The following LRRC4C variants were observed in gnomAD, a reference collection of about 807,000 sequenced individuals.
The protein encoded by LRRC4C is leucine-rich repeat-containing protein 4C.
Under a neutral mutation model 33.6 loss-of-function variants are expected in LRRC4C, and 5 were observed. The ratio of observed to expected loss-of-function variants is 0.15; its 90% CI spans 0.08 to 0.31. LRRC4C has a LOEUF of 0.31. Ranked by LOEUF, LRRC4C falls within the 10% of genes least tolerant of loss-of-function variation. LRRC4C has a pLI of 1.00. For missense variants in LRRC4C, 560 were observed against 796.7 expected, an observed-to-expected ratio of 0.70 and a Z score of 3.58; for synonymous variants, 329 against 302.0, an observed-to-expected ratio of 1.09 and a Z score of -0.93.
chr11:40,413,070 C>T lies in LRRC4C; in HGVS notation c.-269-93349G>A, dbSNP rs534778870. Among the ~76,000 whole-genome samples the T allele has an allele frequency of 1.5e-3, 235 of 152,002 alleles. 1 individual carries two copies. The highest frequency in any genetic ancestry group is 2.5e-3 in the Non-Finnish European group (171 of 67,982). ...ATTTATTTAGGCGAATTTATCTAGA[C>T]AATGAAGACTATTAAAAGAAAAAGA... On this transcript the variant is annotated intron_variant, in intron 3 of 6. Coordinates refer to ENST00000528697, the MANE Select transcript of LRRC4C (RefSeq NM_001258419.2).
chr11:41,238,520 T>C (rs936590909), intron 1 of LRRC4C, among the ~76,000 whole-genome samples: 5 of 152,186 alleles, frequency 3.3e-5, no homozygotes, highest in Non-Finnish European at 7.3e-5. Flanking sequence ...ACAACTATTA[T>C]ATTAACTTGT....
intron 1 of LRRC4C, among the ~76,000 whole-genome samples, chr11:41,215,244 T>C (rs1023004375): frequency 1.3e-5 from 2 of 151,516 alleles, no homozygotes; most frequent in Admixed American, 6.6e-5. Context: ...CCCCAGCACG[T>C]TGGGAGGCCA....
At chr11:41,388,519 C>T (rs894489150) in intron 1 of LRRC4C, among the ~76,000 whole-genome samples, 1 of 151,762 alleles carries the variant, frequency 6.6e-6, no homozygotes, top group Non-Finnish European at 1.5e-5. Context: ...TCCACGAAAA[C>T]AGAAGGAATT....
chr11:41,164,284 TCA>T (rs1410957248), intron 1 of LRRC4C, among the ~76,000 whole-genome samples: 3 of 151,118 alleles, frequency 2.0e-5, no homozygotes, highest in Admixed American at 6.6e-5. Context: ...GTCATAAATA[TCA>T]CAGTCTTCCA....
intron 2 of LRRC4C, among the ~76,000 whole-genome samples, chr11:40,780,826 C>A (rs1950183574): frequency 6.7e-6 from 1 of 150,152 alleles, no homozygotes; most frequent in African/African-American, 2.5e-5. Context: ...AATGAACATG[C>A]AGATTGCCAG....
intron 3 of LRRC4C, among the ~76,000 whole-genome samples, chr11:40,548,991 T>C (rs1294755878): frequency 6.6e-6 from 1 of 152,134 alleles, no homozygotes; most frequent in Non-Finnish European, 1.5e-5. Context: ...AATTCCTATA[T>C]TCTTTACTAC....
intron 2 of LRRC4C, among the ~76,000 whole-genome samples, chr11:40,923,400 GAAGT>G (rs1425227039): frequency 1.3e-5 from 2 of 152,052 alleles, no homozygotes; most frequent in Non-Finnish European, 2.9e-5. Flanking sequence ...CAATTATTTT[GAAGT>G]TAAATGTGGC....
At chr11:40,834,470 CA>C (rs1166883264) in intron 2 of LRRC4C, among the ~76,000 whole-genome samples, 5,478 of 71,302 alleles carry the variant, frequency 0.077, 119 homozygotes, top group Middle Eastern at 0.14. Context: ...GATTCCATCT[CA>C]AAAAAAAAAA....
At chr11:40,723,189 T>C (rs947995811) in intron 2 of LRRC4C, among the ~76,000 whole-genome samples, 1 of 152,044 alleles carries the variant, frequency 6.6e-6, no homozygotes, top group Non-Finnish European at 1.5e-5. Flanking sequence ...TATTTGAGGA[T>C]ATAATCCATA....
chr11:40,859,914 A>G lies in LRRC4C; in HGVS notation c.-407+73721T>C, dbSNP rs184790291. On this transcript the variant is annotated intron_variant, in intron 2 of 6. Transcript: ENST00000528697. ...ACACGGTGAAACCCCATCTCTACTA[A>G]AAATACAAGAAAAAAATAAAAATTA... Among the ~76,000 whole-genome samples the G allele has an allele frequency of 1.9e-3, 289 of 152,076 alleles. 2 individuals carry two copies. The highest frequency in any genetic ancestry group is 6.8e-3 in the African/African-American group (283 of 41,474).
chr11:40,953,996 T>C (rs552033899), intron 1 of LRRC4C, among the ~76,000 whole-genome samples: 2 of 151,960 alleles, frequency 1.3e-5, no homozygotes, highest in South Asian at 2.1e-4. Flanking sequence ...CATACATAAC[T>C]AGATGCTATT....
chr11:40,730,404 A>G (rs1591570731), intron 2 of LRRC4C, among the ~76,000 whole-genome samples: 1 of 152,304 alleles, frequency 6.6e-6, no homozygotes, highest in South Asian at 2.1e-4. Context: ...GGATCTTAAT[A>G]TATTCTTCAA....
chr11:41,400,598 C>T (rs1471947853), intron 1 of LRRC4C, among the ~76,000 whole-genome samples: 2 of 151,506 alleles, frequency 1.3e-5, no homozygotes, highest in South Asian at 2.1e-4. Context: ...TTTAATGCTG[C>T]TAATGGGATC....
At chr11:40,960,800 G>C (rs557262043) in intron 1 of LRRC4C, among the ~76,000 whole-genome samples, 21 of 151,728 alleles carry the variant, frequency 1.4e-4, no homozygotes, top group Non-Finnish European at 3.1e-4. Context: ...AGGGGAGTTT[G>C]CCAAAGGCTG....
At chr11:40,933,045 T>G (rs1365055423) in intron 2 of LRRC4C, among the ~76,000 whole-genome samples, 2 of 152,188 alleles carry the variant, frequency 1.3e-5, no homozygotes, top group Non-Finnish European at 2.9e-5. Context: ...GCTAGAGGGT[T>G]GGAGAGAACT....
At chr11:40,204,076 C>A (rs936985521) in intron 5 of LRRC4C, among the ~76,000 whole-genome samples, 2 of 152,100 alleles carry the variant, frequency 1.3e-5, no homozygotes, top group Non-Finnish European at 2.9e-5. Flanking sequence ...GTGTGTACCA[C>A]CATGCCTGGC....
At chr11:40,280,508 T>C (rs1351446946) in intron 4 of LRRC4C, among the ~76,000 whole-genome samples, 1 of 152,170 alleles carries the variant, frequency 6.6e-6, no homozygotes, top group Non-Finnish European at 1.5e-5. Flanking sequence ...CAGATCTTAC[T>C]ATCCTCTCAC....
At chr11:40,998,855 C>T (rs914071815) in intron 1 of LRRC4C, among the ~76,000 whole-genome samples, 3 of 151,998 alleles carry the variant, frequency 2.0e-5, no homozygotes, top group African/African-American at 4.8e-5. Context: ...ATTTCTGGGG[C>T]GTTGTAATTT....
chr11:40,614,334 C>T (rs1326047302), intron 3 of LRRC4C, among the ~76,000 whole-genome samples: 23 of 151,824 alleles, frequency 1.5e-4, no homozygotes, highest in Admixed American at 1.2e-3. Flanking sequence ...TTGTTATGAA[C>T]GTGGCTTCTT....
Sources: gnomAD v4.1 joint callset for allele counts (sites outside exome capture counted in the v4.1 genomes callset) on GRCh38, gnomAD v4.1.1 for gene constraint, MANE v1.5 for transcripts, NCBI Gene and HGNC (gene_info 2026-07-23, HGNC 2026-07-21) for gene names.